The following SLC6A6 variants were observed in gnomAD, a reference collection of about 807,000 sequenced individuals.
SLC6A6 encodes the protein sodium- and chloride-dependent taurine transporter.
Under a neutral mutation model 68.8 loss-of-function variants are expected in SLC6A6, and 16 were observed. The ratio of observed to expected loss-of-function variants is 0.23; its 90% CI spans 0.16 to 0.35. The LOEUF is 0.35. Among genes scored for constraint, SLC6A6 ranks in the 10% least tolerant of loss-of-function variants. SLC6A6 has a pLI of 1.00. For synonymous variants in SLC6A6, 312 were observed against 315.4 expected, an observed-to-expected ratio of 0.99 and a Z score of 0.12; for missense variants, 474 against 802.8, an observed-to-expected ratio of 0.59 and a Z score of 4.95.
chr3:14,465,778 A>C (rs1041757503), intron 6 of SLC6A6, among the ~76,000 whole-genome samples: 1 of 152,242 alleles, frequency 6.6e-6, no homozygotes, highest in African/African-American at 2.4e-5. Context: ...GTTGGCAACC[A>C]CTGGGCTGAG....
chr3:14,403,077 A>AGTGT lies in SLC6A6; in HGVS notation c.-54+274_-54+277dup, dbSNP rs34547966. ...CGGCTCTTGGTGCGGGCGGCAGGAG[A>AGTGT]GTGTGTGTGTGTGTGTGTGTGTGTG... is the stretch of plus-strand genomic sequence containing the variant. On this transcript the variant is annotated intron_variant, in intron 1 of 14. Transcript: ENST00000622186. Among the ~76,000 whole-genome samples the AGTGT allele has an allele frequency of 6.7e-3, 959 of 143,394 alleles. 4 individuals are homozygous for AGTGT. Among genetic ancestry groups the AGTGT allele is most frequent in the African/African-American group, 9.1e-3 (350 of 38,556 alleles). The allele number at this position is 143,394 out of a possible 152,430, so 94.1% of individuals were successfully genotyped here.
intron 5 of SLC6A6, among the ~76,000 whole-genome samples, chr3:14,451,790 G>A (rs150411269): frequency 0.015 from 2,219 of 152,282 alleles, 24 homozygotes; most frequent in Non-Finnish European, 0.022. Flanking sequence ...ACCCTGCAGC[G>A]TCTGACCCTG....
chr3:14,461,649 A>G (rs1700498115), intron 6 of SLC6A6, among the ~76,000 whole-genome samples: 1 of 152,212 alleles, frequency 6.6e-6, no homozygotes, highest in Non-Finnish European at 1.5e-5. Flanking sequence ...AAAACAAAGC[A>G]GGGGGTAGTC....
chr3:14,421,257 C>G (rs1448597723), intron 2 of SLC6A6, among the ~76,000 whole-genome samples: 1 of 152,248 alleles, frequency 6.6e-6, no homozygotes, highest in Non-Finnish European at 1.5e-5. Flanking sequence ...AAAAATAGCT[C>G]TGAGTACTGG....
intron 2 of SLC6A6, among the ~76,000 whole-genome samples, chr3:14,419,285 G>A (rs999908280): frequency 2.0e-5 from 3 of 152,222 alleles, no homozygotes; most frequent in Non-Finnish European, 2.9e-5. Flanking sequence ...TAGAGGAACA[G>A]GGTGGAAGAA....
chr3:14,408,296 C>T (rs1213201070), intron 1 of SLC6A6, among the ~76,000 whole-genome samples: 1 of 151,958 alleles, frequency 6.6e-6, no homozygotes, highest in Non-Finnish European at 1.5e-5. Flanking sequence ...ATCTGATCTT[C>T]AGTCTGTCCA....
At chr3:14,453,533 A>G (rs1419190245) in intron 5 of SLC6A6, among the ~76,000 whole-genome samples, 5 of 152,236 alleles carry the variant, frequency 3.3e-5, no homozygotes, top group Non-Finnish European at 7.3e-5. Context: ...CCCATCAACC[A>G]AATGGGTATA....
Position 14,458,011 on chromosome 3 carries a change from G to T in SLC6A6, c.661G>T (p.Ala221Ser). The T allele has an allele frequency of 6.2e-7, 1 of 1,613,676 alleles. No individual in the cohort carries two copies. Among genetic ancestry groups the T allele is most frequent in the Admixed American group, 1.7e-5 (1 of 60,024 alleles). ...DHPGSLKWDL[A>S]LCLLLVWLVC... ...CCCAGGCTCTCTGAAATGGGACCTC[G>T]CTCTCTGCCTTCTTTTAGTCTGGCT... The change falls in exon 6 of 15, where the codon GCT (alanine) becomes TCT (serine). Residue 221 changes from alanine to serine, a missense_variant. Ala to Ser is a moderately conservative substitution (Grantham distance 99). Transcript: ENST00000622186.
At position 14,468,338 on chromosome 3, in the gene SLC6A6, C is replaced by CT. The variant is rs1700669169; in HGVS notation, c.1096+126_1096+127insT. 3 of 732,400 alleles carry CT rather than the reference C, an allele frequency of 4.1e-6. No homozygotes were observed. The highest frequency in any genetic ancestry group is 6.3e-6 in the Non-Finnish European group (3 of 477,100). 45.4% of individuals were successfully genotyped at this position (732,400 alleles called of 1,614,324 possible). On this transcript the variant is annotated intron_variant, in intron 9 of 14. Coordinates refer to ENST00000622186, the MANE Select transcript of SLC6A6 (RefSeq NM_003043.6). The surrounding 1 kb of genome is among the most constrained non-coding windows in gnomAD (Gnocchi z 4.5). ...ACGAGCCTGGTTTCTAAAATGGACC[C>CT]CCCCCCCGCCACCAAGATATCCCCC... is the stretch of plus-strand genomic sequence containing the variant.
chr3:14,484,373 C>T (rs1701086601), intron 14 of SLC6A6, among the ~76,000 whole-genome samples: 1 of 152,152 alleles, frequency 6.6e-6, no homozygotes, highest in East Asian at 1.9e-4. Flanking sequence ...CCTGTCTCTG[C>T]AAGAAGGCAG....
In SLC6A6 at chr3:14,468,049, T is replaced by C; in HGVS notation, c.972-39T>C. ...AAGTAGGGAGCGTGGCTTCCTTGTG[T>C]TGTGAATTAACTTGCTCCCTGACAT... is the stretch of plus-strand genomic sequence containing the variant. On this transcript the variant is annotated intron_variant, in intron 8 of 14. Transcript: ENST00000622186. The surrounding 1 kb of genome is among the most constrained non-coding windows in gnomAD (Gnocchi z 4.5). 1 of 1,613,940 alleles carries C rather than the reference T, an allele frequency of 6.2e-7. No individual in the cohort carries two copies. The highest frequency in any genetic ancestry group is 8.5e-7 in the Non-Finnish European group (1 of 1,179,858).
At chr3:14,440,178 AC>A (rs1268756965) in intron 2 of SLC6A6, among the ~76,000 whole-genome samples, 46 of 151,942 alleles carry the variant, frequency 3.0e-4, no homozygotes, top group Non-Finnish European at 4.4e-5. Flanking sequence ...AGGTACAGTT[AC>A]CCCATTTTAC....
intron 2 of SLC6A6, among the ~76,000 whole-genome samples, chr3:14,417,111 T>C (rs1196740033): frequency 6.6e-6 from 1 of 152,040 alleles, no homozygotes; most frequent in African/African-American, 2.4e-5. Flanking sequence ...GGCAGGAGGA[T>C]TGCTTGAGGC....
intron 6 of SLC6A6, among the ~76,000 whole-genome samples, chr3:14,462,082 C>T (rs1700508919): frequency 6.6e-6 from 1 of 152,220 alleles, no homozygotes; most frequent in African/African-American, 2.4e-5. Flanking sequence ...AAAAATACCA[C>T]GTCCCACAGC....
At chr3:14,445,970 T>A in intron 4 of SLC6A6, 119 bp downstream of exon 4, 1 of 980,172 alleles carries the variant, frequency 1.0e-6, no homozygotes, top group Non-Finnish European at 1.5e-6. Context: ...AGCTCTATGC[T>A]GACACAAGAT....
At chr3:14,464,703 GC>G (rs1431484639) in intron 6 of SLC6A6, among the ~76,000 whole-genome samples, 5 of 152,158 alleles carry the variant, frequency 3.3e-5, no homozygotes, top group African/African-American at 1.2e-4. Flanking sequence ...ACATACTTGG[GC>G]CCCAGCAGTG....
rs745695464 is a variant in SLC6A6, at chr3:14,481,622, C to T, written c.1552-49C>T. The T allele has an allele frequency of 3.1e-6, 4 of 1,273,474 alleles. No individual in the cohort carries two copies. Among genetic ancestry groups the T allele is most frequent in the Non-Finnish European group, 3.3e-6 (3 of 895,750 alleles). 78.9% of individuals were successfully genotyped at this position (1,273,474 alleles called of 1,614,324 possible). ...CAGTCCTAGTCCCAGAAGCCCCCCA[C>T]CCCCCGATGCCCAGGACCCCTCTCC... On this transcript the variant is annotated intron_variant, in intron 13 of 14. Coordinates refer to ENST00000622186, the MANE Select transcript of SLC6A6 (RefSeq NM_003043.6). This position sits in a 1 kb window ranked among gnomAD's most constrained non-coding sequence, Gnocchi z 4.7.
rs573017949 is a variant in SLC6A6, at chr3:14,431,603, G to A, written c.-11-12021G>A. Among the ~76,000 whole-genome samples the A allele has an allele frequency of 2.1e-4, 32 of 152,284 alleles. 1 individual carries two copies. In the South Asian group the frequency reaches 6.4e-3, roughly 31 times the overall value. ...TGCTTCAGGAACCCCTGGGGATCTTGGGCTGGTTCTGGATGGTGGAGGGGG... is the reference window on the plus strand; with the variant it reads ...TGCTTCAGGAACCCCTGGGGATCTTAGGCTGGTTCTGGATGGTGGAGGGGG... On this transcript the variant is annotated intron_variant, in intron 2 of 14. Coordinates refer to ENST00000622186, the MANE Select transcript of SLC6A6 (RefSeq NM_003043.6).
intron 1 of SLC6A6, among the ~76,000 whole-genome samples, chr3:14,406,474 C>T (rs1699110588): frequency 2.0e-5 from 3 of 152,292 alleles, no homozygotes; most frequent in Admixed American, 1.3e-4. Flanking sequence ...CGGAGAGTCA[C>T]CGAGCCACTA....
Sources: gnomAD v4.1 joint callset for allele counts (sites outside exome capture counted in the v4.1 genomes callset) on GRCh38, gnomAD v4.1.1 for gene constraint, Gnocchi (gnomAD v3.1) non-coding constraint, MANE v1.5 for transcripts, NCBI Gene and HGNC (gene_info 2026-07-23, HGNC 2026-07-21) for gene names.